NLRP5: variants seen among roughly 807,000 people sequenced by gnomAD.
The protein encoded by NLRP5 is NACHT, LRR and PYD domains-containing protein 5.
In NLRP5, 93 loss-of-function variants were observed where a neutral mutation model predicts 113.1. The ratio of observed to expected loss-of-function variants is 0.82; its 90% CI spans 0.70 to 0.98. NLRP5 has a LOEUF of 0.98. NLRP5 is among the 50% of genes least tolerant of loss of function. The pLI is 0.00. For synonymous variants in NLRP5, 751 were observed against 600.7 expected (o/e 1.25, Z -3.66); for missense variants, 1,808 against 1,514.3 (o/e 1.19, Z -3.22).
intron 7 of NLRP5, among the ~76,000 whole-genome samples, chr19:56,030,877 C>A (rs1256548650): frequency 6.6e-6 from 1 of 151,788 alleles, no homozygotes; most frequent in African/African-American, 2.4e-5. Context: ...CCACACCCGG[C>A]TAACTTTTGT....
At chr19:56,009,838 G>T (rs2123279232) in intron 3 of NLRP5, among the ~76,000 whole-genome samples, 1 of 152,306 alleles carries the variant, frequency 6.6e-6, no homozygotes, top group African/African-American at 2.4e-5. Context: ...CAGGCTGTGG[G>T]TGGGGAAAGA....
chr19:56,060,057 G>A (rs1984295287), intron 14 of NLRP5, among the ~76,000 whole-genome samples: 1 of 152,182 alleles, frequency 6.6e-6, no homozygotes, highest in Non-Finnish European at 1.5e-5. Flanking sequence ...GGGAGTCTTG[G>A]TTTGGTCAGG....
chr19:56,056,665 A>G (rs574425901), intron 13 of NLRP5, among the ~76,000 whole-genome samples: 4 of 152,182 alleles, frequency 2.6e-5, no homozygotes, highest in Admixed American at 2.0e-4. Context: ...ACCTTATACC[A>G]TCACTGATTT....
chr19:56,011,562 G>A (rs923538576), intron 3 of NLRP5, among the ~76,000 whole-genome samples: 3 of 152,034 alleles, frequency 2.0e-5, no homozygotes, highest in Non-Finnish European at 4.4e-5. Context: ...AGCATCGTAC[G>A]TATGACGACT....
chr19:56,036,782 C>T (rs55948400), intron 9 of NLRP5, among the ~76,000 whole-genome samples: 6 of 152,034 alleles, frequency 3.9e-5, no homozygotes, highest in Non-Finnish European at 5.9e-5. Flanking sequence ...CATGGTGAAA[C>T]CCCGTCTCTA....
chr19:55,990,686 A>G, the NLRP5 span, among the ~76,000 whole-genome samples: 3 of 152,008 alleles, frequency 2.0e-5, no homozygotes, highest in Non-Finnish European at 4.4e-5. Context: ...TTAGCCGGGC[A>G]TGGTGGTGGG....
intron 9 of NLRP5, among the ~76,000 whole-genome samples, chr19:56,036,133 G>A (rs561612196): frequency 2.0e-4 from 27 of 135,102 alleles, no homozygotes; most frequent in South Asian, 1.7e-3. Flanking sequence ...GTGCAATCTC[G>A]GCTCATTGCA....
chr19:55,989,800 C>T, the NLRP5 span, among the ~76,000 whole-genome samples: 2 of 152,142 alleles, frequency 1.3e-5, no homozygotes, highest in African/African-American at 4.8e-5. Flanking sequence ...CCTAAATGGT[C>T]TTCAGTCTTG....
In NLRP5 at chr19:56,032,793, C is replaced by T. The variant is rs74462221; in HGVS notation, c.2447+12C>T. On this transcript the variant is annotated intron_variant, in intron 8 of 14. Coordinates refer to ENST00000390649, the MANE Select transcript of NLRP5 (RefSeq NM_153447.4). ...ATACAGACCCTGATGTAAGGCTGCC[C>T]GCCCCCTACGAGAGAATCCCTTCCC... 6.0e-4 allele frequency: 952 copies of T among 1,595,610 alleles called. 2 individuals carry two copies. In the African/African-American group the frequency reaches 9.3e-3, roughly 16 times the overall value.
At chr19:55,988,161 G>C in the NLRP5 span, 1 of 281,616 alleles carries the variant, frequency 3.6e-6, no homozygotes, top group Admixed American at 4.9e-5. Context: ...GGAGGTCGAG[G>C]TGGGCAGATT....
At chr19:55,988,803 C>A in the NLRP5 span, among the ~76,000 whole-genome samples, 1 of 152,064 alleles carries the variant, frequency 6.6e-6, no homozygotes, top group African/African-American at 2.4e-5. Flanking sequence ...TTCGTTCTTT[C>A]TCAAATAACC....
At position 56,001,347 on chromosome 19, in the gene NLRP5, C is replaced by A. The variant is rs952051679; in HGVS notation, c.62+1560C>A. Among the ~76,000 whole-genome samples, 168 of 127,030 alleles carry A rather than the reference C, an allele frequency of 1.3e-3. 5 individuals are homozygous for A. The highest frequency in any genetic ancestry group is 8.4e-3 in the Middle Eastern group (2 of 238). 83.3% of individuals were successfully genotyped at this position (127,030 alleles called of 152,430 possible). A position where few individuals can be genotyped will look rare whatever the true frequency, so the allele number is the denominator to read the frequency against. On this transcript the variant is annotated intron_variant, in intron 1 of 14. Transcript: ENST00000390649. ...TTTAAAAAAAAAAACAAACAAAAAA[C>A]ACCACAGCTTATTGAATAGATTTTA...
chr19:56,047,281 T>A (rs578155440), intron 11 of NLRP5, among the ~76,000 whole-genome samples: 1 of 152,294 alleles, frequency 6.6e-6, no homozygotes, highest in South Asian at 2.1e-4. Flanking sequence ...CTGCTGGGTT[T>A]GGGGTTGGTT....
intron 3 of NLRP5, among the ~76,000 whole-genome samples, 154 bp downstream of exon 3, chr19:56,009,007 C>T (rs562916320): frequency 6.6e-6 from 1 of 152,128 alleles, no homozygotes; most frequent in African/African-American, 2.4e-5. Context: ...TTCTGAGGAT[C>T]TGGTAATTCT....
At chr19:56,056,855 T>A (rs1178064312) in intron 13 of NLRP5, among the ~76,000 whole-genome samples, 1 of 151,894 alleles carries the variant, frequency 6.6e-6, no homozygotes, top group South Asian at 2.1e-4. Flanking sequence ...TCATAAGAAT[T>A]CCAGCCGGGT....
Position 56,021,714 on chromosome 19 carries a change from T to G in NLRP5, c.679+1283T>G, listed in dbSNP as rs555605977. ...AAGACCCCATTTTCTTCATCTGTTG[T>G]TCAGTTCATGGGAATTTGGCTTTTT... On this transcript the variant is annotated intron_variant, in intron 6 of 14. Coordinates refer to ENST00000390649, the MANE Select transcript of NLRP5 (RefSeq NM_153447.4). Among the ~76,000 whole-genome samples the G allele has an allele frequency of 1.1e-3, 168 of 152,304 alleles. 1 individual carries two copies. Among genetic ancestry groups the G allele is most frequent in the African/African-American group, 3.8e-3 (157 of 41,568 alleles).
In NLRP5 at chr19:56,033,918, TAAAA is replaced by T. The variant is rs199903254; in HGVS notation, c.2615+213_2615+216del. 7.4e-3 allele frequency among the ~76,000 whole-genome samples: 1,132 copies of T among 152,164 alleles called. 8 individuals are homozygous for T. The highest frequency in any genetic ancestry group is 0.026 in the African/African-American group (1,080 of 41,520). Reference sequence around the variant, plus strand: ...TCGGTTATAAATACTTTATCACAATTAAAAAAACTCAGTTTCATTAAAAATTGTT... The same window carrying T: ...TCGGTTATAAATACTTTATCACAATTAAACTCAGTTTCATTAAAAATTGTT... On this transcript the variant is annotated intron_variant, in intron 9 of 14. Coordinates refer to ENST00000390649, the MANE Select transcript of NLRP5 (RefSeq NM_153447.4).
intron 9 of NLRP5, among the ~76,000 whole-genome samples, chr19:56,035,184 C>T (rs1190246276): frequency 6.6e-6 from 1 of 152,222 alleles, no homozygotes; most frequent in African/African-American, 2.4e-5. Context: ...AAGTGATCCA[C>T]TGGCTGTGCC....
intron 14 of NLRP5, among the ~76,000 whole-genome samples, chr19:56,059,541 T>G (rs1395164987): frequency 6.6e-6 from 1 of 152,198 alleles, no homozygotes; most frequent in Non-Finnish European, 1.5e-5. Flanking sequence ...TATTTTATTT[T>G]AAGTTTTTTG....
Sources: gnomAD v4.1 joint callset for allele counts (sites outside exome capture counted in the v4.1 genomes callset) on GRCh38, gnomAD v4.1.1 for gene constraint, MANE v1.5 for transcripts, NCBI Gene and HGNC (gene_info 2026-07-23, HGNC 2026-07-21) for gene names.